Variants in SNTB2 observed in about 807,000 individuals in gnomAD.
SNTB2 encodes beta-2-syntrophin.
In SNTB2, 34 loss-of-function variants were observed where a neutral mutation model predicts 46.2. The observed-to-expected ratio is 0.74, with a 90% CI of 0.56 to 0.98. The LOEUF is 0.98. Ranked by LOEUF, SNTB2 falls within the 50% of genes least tolerant of loss-of-function variation. The pLI, the probability that SNTB2 is intolerant of heterozygous loss-of-function variation, is 0.00. For synonymous variants in SNTB2, 290 were observed against 312.6 expected (o/e 0.93, Z 0.76); for missense variants, 603 against 731.4 (o/e 0.82, Z 2.02).
chr16:69,281,575 G>T (rs1597199032), intron 4 of SNTB2, among the ~76,000 whole-genome samples: 1 of 151,618 alleles, frequency 6.6e-6, no homozygotes, highest in South Asian at 2.1e-4. Context: ...TCTTGGCTGG[G>T]CACGGTGGCT....
rs1965331274 is a variant in SNTB2 at position 69,308,405 on chromosome 16, A to G, written c.*7481A>G. The G allele has an allele frequency of 6.6e-6, 1 of 152,506 alleles. No homozygotes were observed. 9.4% of individuals were successfully genotyped at this position (152,506 alleles called of 1,614,324 possible). A position where few individuals can be genotyped will look rare whatever the true frequency, so the allele number is the denominator to read the frequency against. On this transcript the variant is annotated 3_prime_UTR_variant, in exon 7 of 7. Transcript: ENST00000336278. ...TCGATGATATTCTCACTTTGTCGCAAATCTGCCCTTATCGTAAGAACAAGT... is the reference window on the plus strand; with the variant it reads ...TCGATGATATTCTCACTTTGTCGCAGATCTGCCCTTATCGTAAGAACAAGT...
intron 1 of SNTB2, among the ~76,000 whole-genome samples, chr16:69,235,222 C>T (rs1274686681): frequency 6.6e-6 from 1 of 151,816 alleles, no homozygotes; most frequent in African/African-American, 2.4e-5. Flanking sequence ...AGGCATGAGC[C>T]ACCGTTCCCG....
At position 69,308,988 on chromosome 16, in the gene SNTB2, A is replaced by G. The variant is rs1006033711; in HGVS notation, c.*8064A>G. ...TGAAAATGTGTAACTTAAGGGTATT[A>G]TATATATAAATACATATATACCTTT... On this transcript the variant is annotated 3_prime_UTR_variant, in exon 7 of 7. Transcript: ENST00000336278. The G allele has an allele frequency of 1.3e-5, 2 of 152,508 alleles. No homozygotes were observed. The highest frequency in any genetic ancestry group is 1.3e-4 in the Admixed American group (2 of 15,264). The allele number at this position is 152,508 out of a possible 1,614,324, so 9.4% of individuals were successfully genotyped here. A position where few individuals can be genotyped will look rare whatever the true frequency, so the allele number is the denominator to read the frequency against.
Position 69,222,166 on chromosome 16 carries a change from C to T in SNTB2, c.581-23436C>T, listed in dbSNP as rs115756191. Among the ~76,000 whole-genome samples, 1,159 of 152,276 alleles carry T rather than the reference C, an allele frequency of 7.6e-3. 15 individuals are homozygous for T. Among genetic ancestry groups the T allele is most frequent in the African/African-American group, 0.025 (1,043 of 41,556 alleles). ...AATTAATTATCTCATACCGCAAGTTCCTTGCAATAGTTATTTTCTATTATT... is the reference window on the plus strand; with the variant it reads ...AATTAATTATCTCATACCGCAAGTTTCTTGCAATAGTTATTTTCTATTATT... On this transcript the variant is annotated intron_variant, in intron 1 of 6. Transcript: ENST00000336278.
intron 2 of SNTB2, among the ~76,000 whole-genome samples, chr16:69,251,113 C>G (rs1158347636): frequency 2.7e-5 from 4 of 149,398 alleles, no homozygotes; most frequent in East Asian, 2.1e-4. Flanking sequence ...CAAGTAGCTG[C>G]GACTACAGGC....
intron 1 of SNTB2, among the ~76,000 whole-genome samples, chr16:69,191,750 G>C (rs1964057010): frequency 6.6e-6 from 1 of 151,616 alleles, no homozygotes; most frequent in African/African-American, 2.4e-5. Flanking sequence ...ACGCCATTCT[G>C]CTGCCTCAGC....
At chr16:69,285,954 A>G (rs980121232) in intron 5 of SNTB2, among the ~76,000 whole-genome samples, 3 of 152,026 alleles carry the variant, frequency 2.0e-5, no homozygotes, top group Non-Finnish European at 2.9e-5. Context: ...CATCATACCC[A>G]GCTAAGTTTT....
rs2143215749 is a variant in SNTB2, at chr16:69,302,935, A to G, written c.*2011A>G. The G allele has an allele frequency of 6.6e-6, 1 of 151,874 alleles. No individual in the cohort carries two copies. Among genetic ancestry groups the G allele is most frequent in the Non-Finnish European group, 1.5e-5 (1 of 68,044 alleles). 9.4% of individuals were successfully genotyped at this position (151,874 alleles called of 1,614,324 possible). Reference sequence around the variant, plus strand: ...CGTTCTGTCTCCCAGGCTGGAGTGCAGTGGCATGATCTCGGCTCACTGCAA... The same window carrying G: ...CGTTCTGTCTCCCAGGCTGGAGTGCGGTGGCATGATCTCGGCTCACTGCAA... On this transcript the variant is annotated 3_prime_UTR_variant, in exon 7 of 7. Coordinates refer to ENST00000336278, the MANE Select transcript of SNTB2 (RefSeq NM_006750.4).
chr16:69,204,244 G>A (rs1417625023), intron 1 of SNTB2, among the ~76,000 whole-genome samples: 1 of 152,170 alleles, frequency 6.6e-6, no homozygotes, highest in Non-Finnish European at 1.5e-5. Flanking sequence ...ATCAGCTAAA[G>A]ACTGGTGAGT....
chr16:69,279,765 T>G (rs1201183776), intron 4 of SNTB2, among the ~76,000 whole-genome samples: 1 of 151,700 alleles, frequency 6.6e-6, no homozygotes, highest in African/African-American at 2.4e-5. Flanking sequence ...CCTGACCTTA[T>G]GATCCGCCCA....
rs79964581 is a variant in SNTB2, at chr16:69,198,618, A to G, written c.580+10872A>G. Among the ~76,000 whole-genome samples the G allele has an allele frequency of 3.5e-3, 528 of 152,226 alleles. 1 individual carries two copies. Among genetic ancestry groups the G allele is most frequent in the African/African-American group, 0.013 (522 of 41,536 alleles). On this transcript the variant is annotated intron_variant, in intron 1 of 6. Transcript: ENST00000336278. ...TTGGGTCTGAAAAGAAATCTTTGAG[A>G]TTGTTAAGACATCTCCAAACATCTG...
chr16:69,236,995 C>T (rs947185001), intron 1 of SNTB2, among the ~76,000 whole-genome samples: 3 of 152,120 alleles, frequency 2.0e-5, no homozygotes, highest in African/African-American at 7.2e-5. Context: ...TGATGCTAAT[C>T]CTTATAACTA....
intron 1 of SNTB2, among the ~76,000 whole-genome samples, chr16:69,188,141 T>TA (rs568605215): frequency 1.7e-3 from 237 of 140,600 alleles, no homozygotes; most frequent in Admixed American, 2.0e-3. Flanking sequence ...GCGGGTCTAT[T>TA]AAAAAAAAAA....
chr16:69,189,507 C>T (rs142777155), intron 1 of SNTB2, among the ~76,000 whole-genome samples: 27 of 152,312 alleles, frequency 1.8e-4, no homozygotes, highest in African/African-American at 6.5e-4. Flanking sequence ...ATAATCCCAG[C>T]ACTTTGGGAG....
rs1268427602 is a variant in SNTB2 at position 69,260,144 on chromosome 16, A to G, written c.889A>G (p.Thr297Ala). 6.2e-6 allele frequency: 10 copies of G among 1,613,898 alleles called. No homozygotes were observed. Among genetic ancestry groups the G allele is most frequent in the Admixed American group, 1.7e-5 (1 of 59,964 alleles). ...TAHSWFVAIH[T>A]NIMALLPQVL... ...ACACTCCTGGTTCGTAGCTATCCAC[A>G]CCAACATAATGGCTCTCCTCCCACA... The change falls in exon 3 of 7, where the codon ACC (threonine) becomes GCC (alanine). Residue 297 changes from threonine to alanine, a missense_variant. Physicochemically the swap from Thr to Ala is moderately conservative, Grantham distance 58. This residue lies in a region of SNTB2 where 537 missense variants were observed against 692.4 expected (regional missense o/e 0.78). Transcript: ENST00000336278.
At chr16:69,215,563 A>T (rs1964339075) in intron 1 of SNTB2, among the ~76,000 whole-genome samples, 1 of 152,130 alleles carries the variant, frequency 6.6e-6, no homozygotes, top group Non-Finnish European at 1.5e-5. Context: ...TTAATTATTA[A>T]ATTAGAGCAC....
chr16:69,256,646 G>A (rs911788324), intron 2 of SNTB2, among the ~76,000 whole-genome samples: 5 of 152,028 alleles, frequency 3.3e-5, no homozygotes, highest in African/African-American at 1.2e-4. Context: ...CATGTGTTAG[G>A]ATTTCTTTCC....
At chr16:69,298,392 G>C (rs1965246797) in intron 5 of SNTB2, among the ~76,000 whole-genome samples, 1 of 151,848 alleles carries the variant, frequency 6.6e-6, no homozygotes, top group South Asian at 2.1e-4. Context: ...CATCCCAAAT[G>C]CCAACCAAAC....
At chr16:69,198,619 T>C in intron 1 of SNTB2, among the ~76,000 whole-genome samples, 1 of 152,210 alleles carries the variant, frequency 6.6e-6, no homozygotes, top group East Asian at 1.9e-4. Flanking sequence ...ATCTTTGAGA[T>C]TGTTAAGACA....
Sources: allele counts gnomAD v4.1 joint callset (sites outside exome capture counted in the v4.1 genomes callset), GRCh38; gene constraint gnomAD v4.1.1; regional missense constraint gnomAD v4.1.1; transcripts MANE v1.5; gene names NCBI Gene and HGNC (gene_info 2026-07-23, HGNC 2026-07-21).